CAMK2D: variants seen among roughly 807,000 people sequenced by gnomAD.
CAMK2D encodes the protein calcium/calmodulin-dependent protein kinase type II subunit delta.
In CAMK2D, 37 loss-of-function variants were observed where a neutral mutation model predicts 84.0. That is an observed-to-expected ratio of 0.44 (90% CI 0.34 to 0.58). The LOEUF is 0.58. Among genes scored for constraint, CAMK2D ranks in the 20% least tolerant of loss-of-function variants. The pLI, the probability that CAMK2D is intolerant of heterozygous loss-of-function variation, is 0.02. For missense variants in CAMK2D, 448 were observed against 652.5 expected, an observed-to-expected ratio of 0.69 and a Z score of 3.41; for synonymous variants, 202 against 212.5, an observed-to-expected ratio of 0.95 and a Z score of 0.43.
chr4:113,483,412 T>C (rs902851312), intron 16 of CAMK2D, among the ~76,000 whole-genome samples: 13 of 151,760 alleles, frequency 8.6e-5, no homozygotes, highest in African/African-American at 2.2e-4. Flanking sequence ...TATGCTTCTT[T>C]TTTTTTTTTT....
intron 3 of CAMK2D, among the ~76,000 whole-genome samples, chr4:113,619,991 G>A (rs1032441465): frequency 1.3e-5 from 2 of 152,132 alleles, no homozygotes; most frequent in Non-Finnish European, 2.9e-5. Flanking sequence ...AGGAGAGAAC[G>A]TAGTAAGTCA....
intron 3 of CAMK2D, among the ~76,000 whole-genome samples, chr4:113,648,402 C>G (rs369033075): frequency 2.6e-5 from 4 of 152,136 alleles, no homozygotes; most frequent in Non-Finnish European, 5.9e-5. Context: ...CTGTTGGGCA[C>G]GTTCATATGC....
chr4:113,707,742 C>T (rs2099465776), intron 2 of CAMK2D, among the ~76,000 whole-genome samples: 1 of 152,134 alleles, frequency 6.6e-6, no homozygotes, highest in Non-Finnish European at 1.5e-5. Context: ...ACGAAAATTG[C>T]TGTAAATCAA....
intron 2 of CAMK2D, among the ~76,000 whole-genome samples, chr4:113,716,094 G>C (rs1007240813): frequency 1.1e-4 from 16 of 152,112 alleles, no homozygotes; most frequent in African/African-American, 3.4e-4. Context: ...GCTCACAGTA[G>C]TACAAAAATA....
At chr4:113,467,040 A>T (rs944785669) in intron 16 of CAMK2D, among the ~76,000 whole-genome samples, 19 of 152,208 alleles carry the variant, frequency 1.2e-4, no homozygotes, top group Non-Finnish European at 2.2e-4. Flanking sequence ...ATCAATTGAG[A>T]CTAATAAACT....
At chr4:113,488,156 T>A (rs1328303143) in intron 16 of CAMK2D, among the ~76,000 whole-genome samples, 2 of 152,116 alleles carry the variant, frequency 1.3e-5, no homozygotes, top group Middle Eastern at 3.2e-3. Context: ...TTTAGTAGCT[T>A]ATTAAATTGG....
At chr4:113,475,929 A>T (rs2097606967) in intron 16 of CAMK2D, among the ~76,000 whole-genome samples, 1 of 152,236 alleles carries the variant, frequency 6.6e-6, no homozygotes, top group African/African-American at 2.4e-5. Flanking sequence ...AAGAAAGGCC[A>T]ATTTACAAAA....
At chr4:113,616,484 T>C (rs1446975163) in intron 3 of CAMK2D, among the ~76,000 whole-genome samples, 1 of 152,198 alleles carries the variant, frequency 6.6e-6, no homozygotes, top group Non-Finnish European at 1.5e-5. Context: ...ATGCCTTTTA[T>C]AAGCCAGCAC....
intron 2 of CAMK2D, among the ~76,000 whole-genome samples, chr4:113,714,342 TCC>T (rs1265961723): frequency 2.6e-5 from 4 of 152,058 alleles, no homozygotes; most frequent in Admixed American, 1.3e-4. Flanking sequence ...ACAATTACAC[TCC>T]AATTCCGCTG....
chr4:113,739,340 T>C (rs1263088227), intron 2 of CAMK2D, among the ~76,000 whole-genome samples: 1 of 152,280 alleles, frequency 6.6e-6, no homozygotes, highest in Middle Eastern at 3.4e-3. Context: ...CCAGCACAGC[T>C]TCCTACCCCA....
intron 4 of CAMK2D, among the ~76,000 whole-genome samples, chr4:113,564,125 T>C (rs1276996997): frequency 6.6e-6 from 1 of 152,200 alleles, no homozygotes; most frequent in African/African-American, 2.4e-5. Flanking sequence ...GCAATTTTAC[T>C]AGGTTCATTT....
At chr4:113,611,881 C>T (rs1399960375) in intron 3 of CAMK2D, among the ~76,000 whole-genome samples, 2 of 152,008 alleles carry the variant, frequency 1.3e-5, no homozygotes, top group Admixed American at 6.6e-5. Flanking sequence ...TATGTCTAAC[C>T]AGCCATTTGA....
chr4:113,455,817 G>T lies in CAMK2D; in HGVS notation c.1540C>A (p.Pro514Thr). 1 of 1,606,214 alleles carries T rather than the reference G, an allele frequency of 6.2e-7. No individual in the cohort carries two copies. The highest frequency in any genetic ancestry group is 8.5e-7 in the Non-Finnish European group (1 of 1,173,194). Residue 514 changes from proline (P) to threonine (T), a missense_variant, in exon 20 of 21, where the codon CCC becomes ACC. Physicochemically the swap from Pro to Thr is conservative, Grantham distance 38. This residue lies in a region of CAMK2D where 219 missense variants were observed against 272.1 expected (regional missense o/e 0.80). Transcript: ENST00000511664. ...TTTTCTTTCCCATTTGGAATACAGGGTGGCCTATTAAGAGAAGCCCCATTT... is the reference window on the plus strand; with the variant it reads ...TTTTCTTTCCCATTTGGAATACAGGTTGGCCTATTAAGAGAAGCCCCATTT... ...SGSPTVPIKP[P>T]CIPNGKENFS...
chr4:113,545,748 AC>A (rs2098562303), intron 6 of CAMK2D, among the ~76,000 whole-genome samples: 1 of 152,186 alleles, frequency 6.6e-6, no homozygotes, highest in Admixed American at 6.5e-5. Flanking sequence ...TAAGACAACA[AC>A]TAAAAAAATT....
chr4:113,562,897 A>C (rs2098704873), intron 4 of CAMK2D, among the ~76,000 whole-genome samples: 2 of 152,216 alleles, frequency 1.3e-5, no homozygotes, highest in Admixed American at 1.3e-4. Flanking sequence ...CTTTATTCAC[A>C]CTTAGTAGTA....
intron 8 of CAMK2D, among the ~76,000 whole-genome samples, chr4:113,520,618 A>C (rs1046055460): frequency 2.6e-5 from 4 of 151,652 alleles, no homozygotes; most frequent in Non-Finnish European, 5.9e-5. Flanking sequence ...TCAATGAAGA[A>C]GTCTTTTTTT....
chr4:113,571,440 T>C (rs1438511653), intron 4 of CAMK2D, among the ~76,000 whole-genome samples: 2 of 152,184 alleles, frequency 1.3e-5, no homozygotes, highest in Non-Finnish European at 2.9e-5. Flanking sequence ...GACAATGGAA[T>C]ACTATTCAGC....
chr4:113,564,004 A>C (rs1239194746), intron 4 of CAMK2D, among the ~76,000 whole-genome samples: 1 of 152,250 alleles, frequency 6.6e-6, no homozygotes, highest in Non-Finnish European at 1.5e-5. Context: ...TCTATGAAAT[A>C]GAGACTCTTG....
intron 16 of CAMK2D, among the ~76,000 whole-genome samples, chr4:113,494,023 T>C (rs1279141940): frequency 6.6e-6 from 1 of 152,112 alleles, no homozygotes; most frequent in Non-Finnish European, 1.5e-5. Flanking sequence ...TCTGTATTGG[T>C]TATTCTAGTT....
Sources: gnomAD v4.1 joint callset for allele counts (sites outside exome capture counted in the v4.1 genomes callset) on GRCh38, gnomAD v4.1.1 for gene constraint, gnomAD v4.1.1 regional missense constraint, MANE v1.5 for transcripts, NCBI Gene and HGNC (gene_info 2026-07-23, HGNC 2026-07-21) for gene names.